B3GALT1: variants seen among roughly 807,000 people sequenced by gnomAD.
B3GALT1 encodes UDP-Gal:betaGlcNAc beta 1,3-galactosyltransferase, polypeptide 1.
In B3GALT1, 10 loss-of-function variants were observed where a neutral mutation model predicts 23.2. The ratio of observed to expected loss-of-function variants is 0.43; its 90% CI spans 0.27 to 0.73. The LOEUF (loss-of-function observed/expected upper bound fraction) is 0.73. Among genes scored for constraint, B3GALT1 ranks in the 30% least tolerant of loss-of-function variants. The pLI is 0.21. For synonymous variants in B3GALT1, 156 were observed against 141.5 expected (o/e 1.10, Z -0.73); for missense variants, 299 against 405.4 (o/e 0.74, Z 2.25).
intron 1 of B3GALT1, among the ~76,000 whole-genome samples, chr2:167,469,408 A>G (rs909433070): frequency 7.2e-5 from 11 of 152,230 alleles, no homozygotes; most frequent in African/African-American, 2.7e-4. Context: ...GCATTCATTT[A>G]GTAAATAATG....
chr2:167,780,048 A>C (rs1286887277), intron 3 of B3GALT1, among the ~76,000 whole-genome samples: 2 of 152,216 alleles, frequency 1.3e-5, no homozygotes, highest in Non-Finnish European at 2.9e-5. Flanking sequence ...CCATATCACA[A>C]ATCTCAAGCA....
At chr2:167,828,173 G>C (rs1430818038) in intron 4 of B3GALT1, among the ~76,000 whole-genome samples, 1 of 152,180 alleles carries the variant, frequency 6.6e-6, no homozygotes, top group Non-Finnish European at 1.5e-5. Flanking sequence ...CTCTACAGTT[G>C]TTAGTCAAAT....
chr2:167,573,159 G>A (rs1410334241), intron 2 of B3GALT1, among the ~76,000 whole-genome samples: 1 of 151,668 alleles, frequency 6.6e-6, no homozygotes, highest in Non-Finnish European at 1.5e-5. Flanking sequence ...CACCAAGGTT[G>A]TAAAGAGATA....
intron 1 of B3GALT1, among the ~76,000 whole-genome samples, chr2:167,484,672 T>A (rs936890266): frequency 6.6e-6 from 1 of 152,152 alleles, no homozygotes; most frequent in Non-Finnish European, 1.5e-5. Flanking sequence ...ATTATGTAGA[T>A]GAAGTCTCAT....
intron 4 of B3GALT1, among the ~76,000 whole-genome samples, chr2:167,858,981 T>TTAA (rs1690049812): frequency 6.6e-6 from 1 of 152,164 alleles, no homozygotes; most frequent in South Asian, 2.1e-4. Flanking sequence ...AGAATATCCA[T>TTAA]TAATATCAGC....
rs758817550 is a variant in B3GALT1, at chr2:167,495,311, C to T, written c.-410+5034C>T. Among the ~76,000 whole-genome samples the T allele has an allele frequency of 7.6e-5, 11 of 145,012 alleles. No homozygotes were observed. In the South Asian group the frequency reaches 8.9e-4, roughly 12 times the overall value. Reference sequence around the variant, plus strand: ...AGAAGAGGTGCCATTTTGCTTTTTTCGCCAGCTTGCTTGCCTTTTTTTTTT... The same window carrying T: ...AGAAGAGGTGCCATTTTGCTTTTTTTGCCAGCTTGCTTGCCTTTTTTTTTT... On this transcript the variant is annotated intron_variant, in intron 2 of 4. Transcript: ENST00000392690.
chr2:167,456,492 A>G (rs886969730), intron 1 of B3GALT1, among the ~76,000 whole-genome samples: 5 of 152,218 alleles, frequency 3.3e-5, no homozygotes, highest in African/African-American at 1.2e-4. Context: ...GTCATTTCAA[A>G]TCTGTATATC....
intron 1 of B3GALT1, among the ~76,000 whole-genome samples, chr2:167,458,396 G>T (rs1326579758): frequency 6.6e-6 from 1 of 152,170 alleles, no homozygotes; most frequent in Non-Finnish European, 1.5e-5. Flanking sequence ...TTTAGCTATT[G>T]TGAATAATGC....
intron 1 of B3GALT1, among the ~76,000 whole-genome samples, chr2:167,312,107 C>T (rs1186271490): frequency 6.6e-6 from 1 of 151,740 alleles, no homozygotes; most frequent in East Asian, 1.9e-4. Context: ...GTAATAAAGC[C>T]AGTTTCAAAC....
chr2:167,706,133 G>A (rs1448372866), intron 3 of B3GALT1, among the ~76,000 whole-genome samples: 2 of 152,108 alleles, frequency 1.3e-5, no homozygotes, highest in Non-Finnish European at 2.9e-5. Context: ...TGATATGAAA[G>A]AGCACAAGAT....
In B3GALT1 at chr2:167,870,750, C is replaced by T. The variant is rs1369141054; in HGVS notation, c.*730C>T. ...TCTTTTTTGTTTTGCTCTTTCAGAA[C>T]AAACATTAAATGGTGCCTCCAAGGA... is the stretch of plus-strand genomic sequence containing the variant. On this transcript the variant is annotated 3_prime_UTR_variant, in exon 5 of 5. Coordinates refer to ENST00000392690, the MANE Select transcript of B3GALT1 (RefSeq NM_020981.4). The T allele has an allele frequency of 1.2e-5, 2 of 165,168 alleles. No homozygotes were observed. The highest frequency in any genetic ancestry group is 4.9e-5 in the African/African-American group (2 of 40,790). 10.2% of individuals were successfully genotyped at this position (165,168 alleles called of 1,614,324 possible).
At chr2:167,761,951 T>G (rs1687904762) in intron 3 of B3GALT1, among the ~76,000 whole-genome samples, 1 of 152,202 alleles carries the variant, frequency 6.6e-6, no homozygotes, top group Non-Finnish European at 1.5e-5. Context: ...AATGCCTGGC[T>G]CATAGCAGGT....
chr2:167,420,014 C>A (rs1698523140), intron 1 of B3GALT1, among the ~76,000 whole-genome samples: 1 of 152,112 alleles, frequency 6.6e-6, no homozygotes, highest in African/African-American at 2.4e-5. Context: ...TTGATGGGAT[C>A]CCTCTTATAA....
chr2:167,454,843 A>G (rs988239513), intron 1 of B3GALT1, among the ~76,000 whole-genome samples: 2 of 152,124 alleles, frequency 1.3e-5, no homozygotes, highest in African/African-American at 4.8e-5. Flanking sequence ...AAAAACAATC[A>G]ACTTAACAAA....
chr2:167,365,087 T>C (rs1039457120), intron 1 of B3GALT1, among the ~76,000 whole-genome samples: 2 of 152,168 alleles, frequency 1.3e-5, no homozygotes, highest in Non-Finnish European at 2.9e-5. Context: ...TGATTTGTGA[T>C]ATTAGGTCAC....
chr2:167,630,748 C>T (rs1027985568), intron 2 of B3GALT1, among the ~76,000 whole-genome samples: 1 of 151,646 alleles, frequency 6.6e-6, no homozygotes, highest in African/African-American at 2.4e-5. Flanking sequence ...TTGTAATTTT[C>T]TGTATATTTG....
chr2:167,615,447 G>A (rs757571430), intron 2 of B3GALT1, among the ~76,000 whole-genome samples: 24 of 151,904 alleles, frequency 1.6e-4, no homozygotes, highest in Non-Finnish European at 2.2e-4. Context: ...ATTTCAGTTA[G>A]GACAAGTAAG....
intron 3 of B3GALT1, among the ~76,000 whole-genome samples, chr2:167,709,191 G>C (rs1687014173): frequency 6.6e-6 from 1 of 152,200 alleles, no homozygotes; most frequent in African/African-American, 2.4e-5. Context: ...AGATGTTTTT[G>C]CCATGGGCTG....
intron 1 of B3GALT1, among the ~76,000 whole-genome samples, chr2:167,378,278 G>A (rs1697794703): frequency 6.6e-6 from 1 of 151,950 alleles, no homozygotes; most frequent in Non-Finnish European, 1.5e-5. Flanking sequence ...ATTGACCTTA[G>A]GCAATCTGGT....
Sources: allele counts gnomAD v4.1 joint callset (sites outside exome capture counted in the v4.1 genomes callset), GRCh38; gene constraint gnomAD v4.1.1; transcripts MANE v1.5; gene names NCBI Gene and HGNC (gene_info 2026-07-23, HGNC 2026-07-21).